Variants in TRANK1 observed in about 807,000 individuals in gnomAD.
The protein encoded by TRANK1 is tetratricopeptide repeat and ankyrin repeat containing 1.
Under a neutral mutation model 266.0 loss-of-function variants are expected in TRANK1, and 198 were observed. The ratio of observed to expected loss-of-function variants is 0.74; its 90% confidence interval spans 0.66 to 0.84. The LOEUF (loss-of-function observed/expected upper bound fraction) is 0.84, where lower values mean the gene tolerates loss of function less well. Ranked by LOEUF, TRANK1 falls within the 40% of genes least tolerant of loss-of-function variation. The pLI is 0.00. For synonymous variants in TRANK1, 1,396 were observed against 1,384.1 expected (o/e 1.01, Z -0.19); for missense variants, 3,326 against 3,634.6 (o/e 0.92, Z 2.18).
At chr3:36,910,123 G>C (rs903653533) in intron 1 of TRANK1, among the ~76,000 whole-genome samples, 3 of 151,954 alleles carry the variant, frequency 2.0e-5, no homozygotes, top group African/African-American at 7.3e-5. Context: ...AATGTATAAG[G>C]GTCCTAAGAA....
At chr3:36,908,693 G>A in intron 1 of TRANK1, 1 of 937,478 alleles carries the variant, frequency 1.1e-6, no homozygotes, top group Non-Finnish European at 1.3e-6. Context: ...CATTTATTCA[G>A]CATTAATGAT....
chr3:36,929,236 C>G (rs886262023), intron 1 of TRANK1: 1 of 151,700 alleles, frequency 6.6e-6, no homozygotes, highest in African/African-American at 2.4e-5. Flanking sequence ...CCTCTGCCTC[C>G]TGGGCTCAAG....
intron 1 of TRANK1, among the ~76,000 whole-genome samples, chr3:36,944,533 C>A (rs1234207024): frequency 6.6e-6 from 1 of 152,188 alleles, no homozygotes; most frequent in Non-Finnish European, 1.5e-5. Context: ...GGCCGCGCGC[C>A]GCCGCAGTCC....
At position 36,895,749 on chromosome 3, in the gene TRANK1, A is replaced by G. The variant is rs1335658680; in HGVS notation, c.443T>C (p.Ile148Thr). ...GVFTTMSSDSIVLQSFLPCFD... is the reference protein window; with the variant it reads ...GVFTTMSSDSTVLQSFLPCFD... ...GCAAGGCAAGAAACTTTGCAAAACA[A>G]TGGAGTCACCTAAAAGAAAGTTTCA... Residue 148 changes from isoleucine (I) to threonine (T), a missense_variant, in exon 5 of 24, where the codon ATT becomes ACT. Ile to Thr is a moderately conservative substitution (Grantham distance 89). Transcript: ENST00000645898. 9.8e-6 allele frequency: 15 copies of G among 1,531,122 alleles called. No homozygotes were observed. The Admixed American group carries it at 2.2e-4, about 23-fold the overall frequency. The allele number at this position is 1,531,122 out of a possible 1,614,324, so 94.8% of individuals were successfully genotyped here.
In TRANK1 at chr3:36,892,880, TAG is replaced by T. The variant is rs1168993067; in HGVS notation, c.636+19_636+20del. The T allele has an allele frequency of 1.2e-5, 12 of 1,005,418 alleles. No homozygotes were observed. Among genetic ancestry groups the T allele is most frequent in the Admixed American group, 7.5e-5 (2 of 26,798 alleles). The allele number at this position is 1,005,418 out of a possible 1,614,324, so 62.3% of individuals were successfully genotyped here. A position where few individuals can be genotyped will look rare whatever the true frequency, so the allele number is the denominator to read the frequency against. On this transcript the variant is annotated intron_variant, in intron 6 of 23. Coordinates refer to ENST00000645898, the MANE Select transcript of TRANK1 (RefSeq NM_001329998.2). ...ATATATATATATATATAGATATATA[TAG>T]ATATATATATCACCTTACCTCAAAG...
At chr3:36,941,597 C>T (rs556488965) in intron 1 of TRANK1, among the ~76,000 whole-genome samples, 1 of 148,786 alleles carries the variant, frequency 6.7e-6, no homozygotes, top group South Asian at 2.2e-4. Flanking sequence ...TAAGGAGTGA[C>T]CAAAGGAGTA....
chr3:36,861,021 A>G lies in TRANK1; in HGVS notation c.1380T>C (p.Asp460=), dbSNP rs140540931. 122 of 1,537,854 alleles carry G rather than the reference A, an allele frequency of 7.9e-5. No individual in the cohort carries two copies. In the African/African-American group the frequency reaches 1.5e-3, roughly 19 times the overall value. Residue 460 remains aspartate, a synonymous_variant, in exon 11 of 24, where the codon GAT becomes GAC. Transcript: ENST00000645898. ...AGAAGTTGCAGTCTTTGATGAGGCA[A>G]TCCCCAAGCGGTGGTTCTCCACTTA... The part of the protein sequence containing the change: ...RKVSGEPPLG[D]CLIKDCNFSD...
At position 36,892,277 on chromosome 3, in the gene TRANK1, T is replaced by C; in HGVS notation, c.700A>G (p.Ile234Val). Residue 234 changes from isoleucine (I) to valine (V), a missense_variant, in exon 7 of 24, where the codon ATC becomes GTC. Transcript: ENST00000645898. Reference protein sequence around the residue: ...EQVPKLVQWLISIGASVETIG... With the variant: ...EQVPKLVQWLVSIGASVETIG... ...GTCTCAACACTTGCACCAATGGAGA[T>C]GAGCCACTGGACTAACTTGGGCACT... is the stretch of plus-strand genomic sequence containing the variant. 1 of 1,537,150 alleles carries C rather than the reference T, an allele frequency of 6.5e-7. No individual in the cohort carries two copies. The highest frequency in any genetic ancestry group is 8.7e-7 in the Non-Finnish European group (1 of 1,146,888).
intron 15 of TRANK1, among the ~76,000 whole-genome samples, chr3:36,849,682 C>T (rs2078961520): frequency 6.6e-6 from 1 of 152,210 alleles, no homozygotes; most frequent in African/African-American, 2.4e-5. Context: ...ATGTAAGCAG[C>T]CAGACCACAG....
intron 11 of TRANK1, 73 bp downstream of exon 11, chr3:36,860,833 A>T: frequency 1.3e-6 from 2 of 1,505,950 alleles, no homozygotes; most frequent in South Asian, 1.3e-5. Context: ...AGGGAAAGGC[A>T]GGCAGTGGCC....
At chr3:36,918,154 A>G (rs2080152433) in intron 1 of TRANK1, among the ~76,000 whole-genome samples, 1 of 152,190 alleles carries the variant, frequency 6.6e-6, no homozygotes, top group African/African-American at 2.4e-5. Flanking sequence ...GCCAGTCACC[A>G]AAAAACAAGT....
chr3:36,865,867 G>A (rs1001231635), intron 9 of TRANK1, among the ~76,000 whole-genome samples: 12 of 151,522 alleles, frequency 7.9e-5, no homozygotes, highest in East Asian at 3.9e-4. Flanking sequence ...AGGTTGAGGC[G>A]GCAATGAGTA....
Position 36,858,009 on chromosome 3 carries a change from C to T in TRANK1, c.1713G>A (p.Leu571=). ...GFSFLSHLLD[L]FWSNPTEFDY... Reference sequence around the variant, plus strand: ...CGAATTCAGTGGGGTTGGACCAAAACAGATCCAACAGATGGCTGAGGAAGC... The same window carrying T: ...CGAATTCAGTGGGGTTGGACCAAAATAGATCCAACAGATGGCTGAGGAAGC... Residue 571 remains leucine, a synonymous_variant, in exon 13 of 24, where the codon CTG becomes CTA. Transcript: ENST00000645898. The T allele has an allele frequency of 6.3e-7, 1 of 1,586,322 alleles. No homozygotes were observed. The highest frequency in any genetic ancestry group is 1.1e-5 in the South Asian group (1 of 89,122).
chr3:36,832,625 C>G lies in TRANK1; in HGVS notation c.6958G>C (p.Ala2320Pro), dbSNP rs375988514. 2 of 1,613,812 alleles carry G rather than the reference C, an allele frequency of 1.2e-6. No individual in the cohort carries two copies. The highest frequency in any genetic ancestry group is 1.7e-5 in the Admixed American group (1 of 59,992). The change falls in exon 22 of 24, where the codon GCA becomes CCA. Residue 2320 changes from alanine (A) to proline (P), a missense_variant. Coordinates refer to ENST00000645898, the MANE Select transcript of TRANK1 (RefSeq NM_001329998.2). ...YIHFLFENESARNRRESTDLW... is the reference protein window; with the variant it reads ...YIHFLFENESPRNRRESTDLW... Reference sequence around the variant, plus strand: ...TCTGTGGATTCCCGGCGGTTGCGTGCGCTTTCATTTTCAAACAGAAAGTGG... The same window carrying G: ...TCTGTGGATTCCCGGCGGTTGCGTGGGCTTTCATTTTCAAACAGAAAGTGG...
intron 18 of TRANK1, among the ~76,000 whole-genome samples, chr3:36,841,319 G>C (rs1178173815): frequency 6.6e-6 from 1 of 152,218 alleles, no homozygotes; most frequent in Non-Finnish European, 1.5e-5. Flanking sequence ...GAACACTGAG[G>C]TGTAGAAAGA....
intron 1 of TRANK1, among the ~76,000 whole-genome samples, chr3:36,943,914 T>G (rs1248802145): frequency 1.3e-5 from 2 of 152,054 alleles, no homozygotes; most frequent in African/African-American, 4.8e-5. Context: ...AATTGCACAC[T>G]TCCATAAAAA....
In TRANK1 at chr3:36,934,729, T is replaced by C. The variant is rs553964567; in HGVS notation, c.23+10058A>G. Among the ~76,000 whole-genome samples the C allele has an allele frequency of 6.6e-5, 10 of 152,258 alleles. No individual in the cohort carries two copies. The South Asian group carries it at 8.3e-4, about 13-fold the overall frequency. On this transcript the variant is annotated intron_variant, in intron 1 of 23. Coordinates refer to ENST00000645898, the MANE Select transcript of TRANK1 (RefSeq NM_001329998.2). Reference sequence around the variant, plus strand: ...TCCCAGTTTACATGACAACAAAGACTTGAGCCAAAAATCAACTTGTGCATT... The same window carrying C: ...TCCCAGTTTACATGACAACAAAGACCTGAGCCAAAAATCAACTTGTGCATT...
chr3:36,879,917 T>A lies in TRANK1; in HGVS notation c.908-5621A>T. Among the ~76,000 whole-genome samples, 2 of 67,092 alleles carry A rather than the reference T, an allele frequency of 3.0e-5. 1 individual carries two copies. Among genetic ancestry groups the A allele is most frequent in the Admixed American group, 3.7e-4 (2 of 5,350 alleles). The allele number at this position is 67,092 out of a possible 152,430, so 44.0% of individuals were successfully genotyped here. A position where few individuals can be genotyped will look rare whatever the true frequency, so the allele number is the denominator to read the frequency against. ...GCAAATATATGTAAACATGCAAATA[T>A]ATGTAAACATGCAAATATATGTAAA... is the stretch of plus-strand genomic sequence containing the variant. On this transcript the variant is annotated intron_variant, in intron 8 of 23. Transcript: ENST00000645898.
intron 12 of TRANK1, 47 bp downstream of exon 12, chr3:36,858,671 C>T (rs1355972671): frequency 1.4e-6 from 2 of 1,443,782 alleles, no homozygotes. Context: ...GTTCTAATAT[C>T]CAGCTTCCTC....
Sources: gnomAD v4.1 joint callset for allele counts (sites outside exome capture counted in the v4.1 genomes callset) on GRCh38, gnomAD v4.1.1 for gene constraint, MANE v1.5 for transcripts, NCBI Gene and HGNC (gene_info 2026-07-23, HGNC 2026-07-21) for gene names.